ZDHHC17: variants seen among roughly 807,000 people sequenced by gnomAD.
ZDHHC17 encodes zDHHC palmitoyltransferase 17.
A neutral mutation model predicts 90.3 loss-of-function variants in ZDHHC17; 40 were observed. The ratio of observed to expected loss-of-function variants is 0.44; its 90% confidence interval spans 0.34 to 0.58. The LOEUF (loss-of-function observed/expected upper bound fraction) is 0.58, where lower values mean the gene tolerates loss of function less well. ZDHHC17 is among the 20% of genes least tolerant of loss of function. ZDHHC17 has a pLI of 0.01. For synonymous variants in ZDHHC17, 235 were observed against 252.4 expected (o/e 0.93, Z 0.65); for missense variants, 614 against 780.8 (o/e 0.79, Z 2.55).
intron 1 of ZDHHC17, among the ~76,000 whole-genome samples, chr12:76,766,989 A>C (rs1266912592): frequency 6.6e-6 from 1 of 150,804 alleles, no homozygotes; most frequent in African/African-American, 2.5e-5. Context: ...GCTGTACTCC[A>C]TCCTGGGTGA....
chr12:76,788,713 T>TTTTTTTTTTTTTTTG, intron 1 of ZDHHC17, among the ~76,000 whole-genome samples: 1 of 144,656 alleles, frequency 6.9e-6, no homozygotes, highest in Non-Finnish European at 1.5e-5. Flanking sequence ...TTTTTTTTTT[T>TTTTTTTTTTTTTTTG]TGAGCAGAGT....
At chr12:76,810,315 T>A (rs903046356) in intron 5 of ZDHHC17, among the ~76,000 whole-genome samples, 2 of 152,130 alleles carry the variant, frequency 1.3e-5, no homozygotes, top group Non-Finnish European at 2.9e-5. Flanking sequence ...TTTAAGTGGT[T>A]GTTCCTGATT....
chr12:76,792,308 C>T (rs1472619996), intron 1 of ZDHHC17, among the ~76,000 whole-genome samples: 2 of 152,124 alleles, frequency 1.3e-5, no homozygotes, highest in African/African-American at 2.4e-5. Flanking sequence ...GGGACAAAGA[C>T]GGATTACACT....
intron 3 of ZDHHC17, among the ~76,000 whole-genome samples, chr12:76,808,416 A>G (rs1451303500): frequency 6.6e-6 from 1 of 152,174 alleles, no homozygotes; most frequent in Non-Finnish European, 1.5e-5. Flanking sequence ...GGATTGTTCA[A>G]GTCCAGGAGT....
chr12:76,816,268 A>G (rs1324510099), intron 7 of ZDHHC17, among the ~76,000 whole-genome samples: 1 of 151,932 alleles, frequency 6.6e-6, no homozygotes, highest in Non-Finnish European at 1.5e-5. Context: ...GAGGACCCCC[A>G]CCCCACCATG....
At chr12:76,774,813 C>T (rs1447714295) in intron 1 of ZDHHC17, among the ~76,000 whole-genome samples, 2 of 152,084 alleles carry the variant, frequency 1.3e-5, no homozygotes, top group African/African-American at 4.8e-5. Context: ...ATTTTAATAT[C>T]TCTGAAATTG....
At chr12:76,802,880 G>A (rs1006761568) in intron 2 of ZDHHC17, among the ~76,000 whole-genome samples, 3 of 152,322 alleles carry the variant, frequency 2.0e-5, no homozygotes, top group South Asian at 2.1e-4. Context: ...TACATATTCA[G>A]TAGAAATCAT....
chr12:76,785,009 C>A (rs1418130911), intron 1 of ZDHHC17, among the ~76,000 whole-genome samples: 2 of 152,202 alleles, frequency 1.3e-5, no homozygotes, highest in African/African-American at 2.4e-5. Flanking sequence ...CCTGGGAAAG[C>A]TTTAACAGAG....
chr12:76,821,991 T>C (rs1186608495), intron 7 of ZDHHC17, among the ~76,000 whole-genome samples: 5 of 152,178 alleles, frequency 3.3e-5, no homozygotes, highest in African/African-American at 4.8e-5. Flanking sequence ...AAGACTCCTA[T>C]CATTGTTGAA....
intron 7 of ZDHHC17, chr12:76,821,261 C>T (rs1953159923): frequency 7.7e-6 from 4 of 522,334 alleles, no homozygotes; most frequent in Non-Finnish European, 1.1e-5. Context: ...GTAAATATCC[C>T]TATTTGTGGA....
Position 76,851,156 on chromosome 12 carries a change from G to T in ZDHHC17, c.*171G>T. 1.5e-6 allele frequency: 1 copy of T among 682,622 alleles called. No individual in the cohort carries two copies. Among genetic ancestry groups the T allele is most frequent in the Non-Finnish European group, 2.3e-6 (1 of 433,148 alleles). 42.3% of individuals were successfully genotyped at this position (682,622 alleles called of 1,614,324 possible). ...CACTTTTATTAACAAAAGTAAACAT[G>T]GACAGAACACACTGCCATTTCTGGG... is the stretch of plus-strand genomic sequence containing the variant. On this transcript the variant is annotated 3_prime_UTR_variant, in exon 17 of 17. Transcript: ENST00000426126.
chr12:76,846,419 ATTC>A, intron 13 of ZDHHC17, 174 bp from the exon 14 acceptor site: 1 of 567,312 alleles, frequency 1.8e-6, no homozygotes, highest in Admixed American at 3.2e-5. Context: ...AATTGCAAGC[ATTC>A]TTATTTAAGA....
At chr12:76,786,386 A>G (rs950636127) in intron 1 of ZDHHC17, among the ~76,000 whole-genome samples, 1 of 152,062 alleles carries the variant, frequency 6.6e-6, no homozygotes, top group Non-Finnish European at 1.5e-5. Flanking sequence ...CCCCCTGAGT[A>G]GCTGGGATGG....
In ZDHHC17 at chr12:76,852,480, T is replaced by C. The variant is rs1953578592; in HGVS notation, c.*1495T>C. 2.6e-5 allele frequency: 4 copies of C among 152,678 alleles called. No homozygotes were observed. The highest frequency in any genetic ancestry group is 2.0e-4 in the Admixed American group (3 of 15,280). The allele number at this position is 152,678 out of a possible 1,614,324, so 9.5% of individuals were successfully genotyped here. ...AGAAAAGGGAGATAACTAATGAGCT[T>C]CTAGTGATGTTCAAAATTGCTGTTA... On this transcript the variant is annotated 3_prime_UTR_variant, in exon 17 of 17. Transcript: ENST00000426126.
At chr12:76,828,271 T>C (rs1953253646) in intron 9 of ZDHHC17, 119 bp from the exon 10 acceptor site, 4 of 826,138 alleles carry the variant, frequency 4.8e-6, no homozygotes, top group Middle Eastern at 4.0e-4. Flanking sequence ...CATCCTGAAC[T>C]CTGGATTCTG....
At chr12:76,826,705 A>G (rs1953234704) in intron 8 of ZDHHC17, among the ~76,000 whole-genome samples, 1 of 152,138 alleles carries the variant, frequency 6.6e-6, no homozygotes, top group African/African-American at 2.4e-5. Context: ...ATTTTCCACA[A>G]TTTTAGCAAA....
At chr12:76,815,065 T>G (rs1350529558) in intron 5 of ZDHHC17, 81 bp from the exon 6 acceptor site, 3 of 893,674 alleles carry the variant, frequency 3.4e-6, no homozygotes, top group African/African-American at 1.7e-5. Context: ...TCCTTTTATA[T>G]ATAGATTAGA....
intron 7 of ZDHHC17, among the ~76,000 whole-genome samples, chr12:76,820,105 C>G (rs1357452419): frequency 6.7e-6 from 1 of 150,352 alleles, no homozygotes; most frequent in Non-Finnish European, 1.5e-5. Context: ...GTTTTTTTAT[C>G]TGGAGTCCCC....
rs1333151866 is a variant in ZDHHC17, at chr12:76,797,455, T to G, written c.115T>G (p.Tyr39Asp). The G allele has an allele frequency of 1.2e-6, 2 of 1,608,142 alleles. No individual in the cohort carries two copies. Among genetic ancestry groups the G allele is most frequent in the Non-Finnish European group, 1.7e-6 (2 of 1,177,154 alleles). ...ACAGGAAATCAAACCCCAAAGCCATTATAACCATGGATATGGTGAACCTCT... is the reference window on the plus strand; with the variant it reads ...ACAGGAAATCAAACCCCAAAGCCATGATAACCATGGATATGGTGAACCTCT... ...HPEEIKPQSHYNHGYGEPLGR... is the reference protein window; with the variant it reads ...HPEEIKPQSHDNHGYGEPLGR... Residue 39 changes from tyrosine (Y) to aspartate (D), a missense_variant, in exon 2 of 17, where the codon TAT becomes GAT. Physicochemically the swap from Tyr to Asp is radical, Grantham distance 160. Transcript: ENST00000426126.
Sources: gnomAD v4.1 joint callset for allele counts (sites outside exome capture counted in the v4.1 genomes callset) on GRCh38, gnomAD v4.1.1 for gene constraint, MANE v1.5 for transcripts, NCBI Gene and HGNC (gene_info 2026-07-23, HGNC 2026-07-21) for gene names.